NCAPD3: variants seen among roughly 807,000 people sequenced by gnomAD.
NCAPD3 encodes non-SMC condensin II complex subunit D3.
A neutral mutation model predicts 182.9 loss-of-function variants in NCAPD3; 105 were observed. The observed-to-expected ratio is 0.57, with a 90% CI of 0.49 to 0.68. The LOEUF is 0.68. Among genes scored for constraint, NCAPD3 ranks in the 30% least tolerant of loss-of-function variants. The probability of loss-of-function intolerance (pLI) is 0.00; values close to 1 mark genes in which losing one functional copy is unlikely to be tolerated. For synonymous variants in NCAPD3, 815 were observed against 679.9 expected (o/e 1.20, Z -3.09); for missense variants, 1,944 against 1,837.0 (o/e 1.06, Z -1.07).
At chr11:134,168,815 C>T in intron 25 of NCAPD3, 102 bp downstream of exon 25, 3 of 1,462,464 alleles carry the variant, frequency 2.1e-6, no homozygotes, top group East Asian at 4.5e-5. Flanking sequence ...AGACCTGGGG[C>T]AGGGTCTGCG....
chr11:134,209,355 A>G lies in NCAPD3; in HGVS notation c.690T>C (p.Phe230=). 3 of 1,614,108 alleles carry G rather than the reference A, an allele frequency of 1.9e-6. No homozygotes were observed. The change falls in exon 5 of 35, where the codon TTT becomes TTC. Residue 230 remains phenylalanine, a synonymous_variant. Transcript: ENST00000534548. ...LKNFLRLLPK[F]SLKEKPQCVQ... is the part of the protein sequence containing the mutation. ...CACATTGTGGCTTTTCTTTCAAGGAAAACTTTGGCAGAAGCCTTAAAAAAT... is the reference window on the plus strand; with the variant it reads ...CACATTGTGGCTTTTCTTTCAAGGAGAACTTTGGCAGAAGCCTTAAAAAAT...
intron 2 of NCAPD3, among the ~76,000 whole-genome samples, chr11:134,218,917 T>C (rs1295299428): frequency 6.6e-6 from 1 of 152,222 alleles, no homozygotes; most frequent in Non-Finnish European, 1.5e-5. Context: ...GATCTATTCA[T>C]GTTACCTATC....
intron 8 of NCAPD3, among the ~76,000 whole-genome samples, chr11:134,205,649 T>A (rs556013274): frequency 4.9e-4 from 75 of 152,258 alleles, no homozygotes; most frequent in African/African-American, 1.7e-3. Flanking sequence ...AGTGCTGGGA[T>A]TACAGGCATG....
Position 134,185,539 on chromosome 11 carries a change from AAGAT to A in NCAPD3, c.2046-17_2046-14del, listed in dbSNP as rs772976805. ...ATTTAAATATCGGCTGGAAAAAAAA[AAGAT>A]AGAAAAGCAGAATTGCAACTGTAAA... On this transcript the variant is annotated splice_polypyrimidine_tract_variant and intron_variant, in intron 16 of 34. Coordinates refer to ENST00000534548, the MANE Select transcript of NCAPD3 (RefSeq NM_015261.3). The A allele has an allele frequency of 2.1e-5, 33 of 1,572,766 alleles. No homozygotes were observed. The highest frequency in any genetic ancestry group is 1.1e-4 in the Admixed American group (6 of 53,030).
intron 1 of NCAPD3, chr11:134,223,337 A>C: frequency 1.5e-6 from 1 of 682,930 alleles, no homozygotes; most frequent in Admixed American, 2.0e-5. Context: ...CAGAGGCAGG[A>C]CAGTGGTAGT....
chr11:134,181,632 G>T (rs1319830921), intron 19 of NCAPD3, among the ~76,000 whole-genome samples: 1 of 152,096 alleles, frequency 6.6e-6, no homozygotes, highest in Non-Finnish European at 1.5e-5. Flanking sequence ...TATGCATTAG[G>T]GACAAGTGTT....
chr11:134,219,713 A>G (rs992187425), intron 2 of NCAPD3, among the ~76,000 whole-genome samples: 2 of 152,114 alleles, frequency 1.3e-5, no homozygotes, highest in Non-Finnish European at 2.9e-5. Context: ...TTATATTTCT[A>G]TGCATTGGAT....
At chr11:134,225,148 G>T, upstream of NCAPD3, 2 of 1,612,526 alleles carry the variant, frequency 1.2e-6, no homozygotes, top group Non-Finnish European at 1.7e-6. Context: ...TTCGGGCAGA[G>T]CGTGGAGGTG....
At chr11:134,207,298 C>G (rs1419380289) in intron 7 of NCAPD3, among the ~76,000 whole-genome samples, 1 of 151,928 alleles carries the variant, frequency 6.6e-6, no homozygotes, top group African/African-American at 2.4e-5. Context: ...TAATTTTAAA[C>G]CTTACAACAA....
chr11:134,203,677 C>T lies in NCAPD3; in HGVS notation c.1445G>A (p.Ser482Asn). 1.2e-6 allele frequency: 2 copies of T among 1,613,540 alleles called. No individual in the cohort carries two copies. The highest frequency in any genetic ancestry group is 1.7e-6 in the Non-Finnish European group (2 of 1,180,032). The change falls in exon 11 of 35, where the codon AGT (serine) becomes AAT (asparagine). Residue 482 changes from serine to asparagine, a missense_variant. This residue lies in a region of NCAPD3 where 1,803 missense variants were observed against 1,674.6 expected (regional missense o/e 1.08). Transcript: ENST00000534548. ...ACTGTTAATCAGGAGCTCCAGGATACTCTCCGACGCACTGGTAACAGTCAA... is the reference window on the plus strand; with the variant it reads ...ACTGTTAATCAGGAGCTCCAGGATATTCTCCGACGCACTGGTAACAGTCAA... Reference protein sequence around the residue: ...LELTVTSASESILELLINSPT... With the variant: ...LELTVTSASENILELLINSPT...
chr11:134,223,992 G>T (rs1026178574), upstream of NCAPD3: 1 of 1,575,746 alleles, frequency 6.3e-7, no homozygotes, highest in African/African-American at 1.3e-5. Flanking sequence ...CGCGCGCGCC[G>T]AGTCGTTCCT....
intron 17 of NCAPD3, 66 bp downstream of exon 17, chr11:134,185,269 T>G: frequency 7.1e-7 from 1 of 1,407,236 alleles, no homozygotes. Flanking sequence ...GCTCACTTCC[T>G]TAAGTCTTGG....
chr11:134,157,221 T>A (rs188239409), intron 31 of NCAPD3, 126 bp from the exon 32 acceptor site: 1 of 634,336 alleles, frequency 1.6e-6, no homozygotes, highest in African/African-American at 1.8e-5. Flanking sequence ...AATTTTCTTA[T>A]AAAGAGGCAA....
intron 16 of NCAPD3, among the ~76,000 whole-genome samples, chr11:134,189,243 G>A (rs1944475240): frequency 1.3e-5 from 2 of 152,086 alleles, no homozygotes; most frequent in Admixed American, 6.6e-5. Context: ...TATCTCGGCA[G>A]AAGTTTATCT....
intron 32 of NCAPD3, chr11:134,153,682 C>T: frequency 2.4e-6 from 1 of 414,926 alleles, no homozygotes; most frequent in Middle Eastern, 7.2e-4. Context: ...CCCTGTCCCA[C>T]TTACTACACC....
intron 1 of NCAPD3, among the ~76,000 whole-genome samples, chr11:134,221,315 A>AT (rs1938217385): frequency 6.6e-6 from 1 of 152,132 alleles, no homozygotes; most frequent in African/African-American, 2.4e-5. Flanking sequence ...CGCTGGCTGG[A>AT]TTCCACCAAT....
chr11:134,206,812 A>C, intron 7 of NCAPD3, 80 bp from the exon 8 acceptor site: 1 of 1,439,118 alleles, frequency 6.9e-7, no homozygotes, highest in Non-Finnish European at 9.4e-7. Context: ...GACTGTAGTA[A>C]ACCATTTCAA....
rs1943308252 is a variant in NCAPD3, at chr11:134,153,158, A to G, written c.4370T>C (p.Leu1457Ser). The change falls in exon 34 of 35, where the codon TTA becomes TCA. Residue 1457 changes from leucine to serine, a missense_variant. Transcript: ENST00000534548. ...AACTTACGGTTTATCAGGCAGTGAT[A>G]AACATAAGATGTCATTTCCTTGACT... Reference protein sequence around the residue: ...GRSQGNDILCLSLPDKPPPQP... With the variant: ...GRSQGNDILCSSLPDKPPPQP... 1 of 1,614,184 alleles carries G rather than the reference A, an allele frequency of 6.2e-7. No individual in the cohort carries two copies. The highest frequency in any genetic ancestry group is 8.5e-7 in the Non-Finnish European group (1 of 1,180,006).
chr11:134,162,365 C>G (rs918539238), intron 27 of NCAPD3, among the ~76,000 whole-genome samples: 1 of 152,024 alleles, frequency 6.6e-6, no homozygotes, highest in African/African-American at 2.4e-5. Context: ...CCAGCTCTGT[C>G]TCTCTCTCTG....
Sources: allele counts gnomAD v4.1 joint callset (sites outside exome capture counted in the v4.1 genomes callset), GRCh38; gene constraint gnomAD v4.1.1; regional missense constraint gnomAD v4.1.1; transcripts MANE v1.5; gene names NCBI Gene and HGNC (gene_info 2026-07-23, HGNC 2026-07-21).